RHBDD1: variants seen among roughly 807,000 people sequenced by gnomAD.
RHBDD1 encodes the protein rhomboid-related protein 4.
In RHBDD1, 38 loss-of-function variants were observed where a neutral mutation model predicts 36.3. That is an observed-to-expected ratio of 1.05 (90% confidence interval 0.81 to 1.37). The LOEUF is 1.37. Ranked by LOEUF, RHBDD1 falls within the 40% of genes most tolerant of loss-of-function variation. RHBDD1 has a pLI of 0.00. For synonymous variants in RHBDD1, 151 were observed against 136.5 expected (o/e 1.11, Z -0.74); for missense variants, 393 against 377.6 (o/e 1.04, Z -0.34).
At chr2:226,991,492 C>T (rs543433016) in intron 8 of RHBDD1, among the ~76,000 whole-genome samples, 139 of 152,300 alleles carry the variant, frequency 9.1e-4, no homozygotes, top group African/African-American at 3.3e-3. Context: ...TTTTGTATAT[C>T]TCTTATACAG....
intron 3 of RHBDD1, among the ~76,000 whole-genome samples, chr2:226,850,151 G>A (rs1316431108): frequency 6.6e-6 from 1 of 152,156 alleles, no homozygotes; most frequent in African/African-American, 2.4e-5. Context: ...AACAGACGGG[G>A]GTTGATGAGA....
intron 5 of RHBDD1, among the ~76,000 whole-genome samples, chr2:226,897,983 AAAC>A (rs1275708307): frequency 6.7e-6 from 1 of 150,166 alleles, no homozygotes; most frequent in Non-Finnish European, 1.5e-5. Context: ...CCGTCTCAAA[AAAC>A]AAAACAACAA....
chr2:226,963,883 A>C (rs1952420775), intron 8 of RHBDD1, among the ~76,000 whole-genome samples: 1 of 152,148 alleles, frequency 6.6e-6, no homozygotes, highest in Non-Finnish European at 1.5e-5. Context: ...AAACGAACCT[A>C]TTCTGTACTC....
the RHBDD1 span, among the ~76,000 whole-genome samples, chr2:226,816,679 T>C: frequency 3.7e-4 from 57 of 152,166 alleles, 1 homozygote; most frequent in Non-Finnish European, 7.6e-4. Flanking sequence ...GTGGATCACC[T>C]GAGGTTAGGA....
intron 8 of RHBDD1, among the ~76,000 whole-genome samples, chr2:226,945,586 T>C (rs766743511): frequency 1.4e-4 from 22 of 152,152 alleles, no homozygotes; most frequent in Non-Finnish European, 2.5e-4. Flanking sequence ...TGGTTCCAAG[T>C]CTTTGCTATT....
At chr2:226,854,601 GAA>G (rs34985443) in intron 3 of RHBDD1, among the ~76,000 whole-genome samples, 2 of 83,664 alleles carry the variant, frequency 2.4e-5, no homozygotes, top group Non-Finnish European at 5.0e-5. Flanking sequence ...ACTCTGTTTC[GAA>G]AAAAAAAAAA....
At chr2:226,851,548 G>A (rs1942813097) in intron 3 of RHBDD1, among the ~76,000 whole-genome samples, 1 of 152,016 alleles carries the variant, frequency 6.6e-6, no homozygotes, top group South Asian at 2.1e-4. Flanking sequence ...AGTCCCTCCA[G>A]TTATTTTTTA....
At chr2:226,988,546 C>T in intron 8 of RHBDD1, 1 of 1,438,602 alleles carries the variant, frequency 7.0e-7, no homozygotes, top group Non-Finnish European at 9.1e-7. Flanking sequence ...CAGGCTGGCC[C>T]TCTCTGCGGA....
the RHBDD1 span, among the ~76,000 whole-genome samples, chr2:226,811,673 G>C: frequency 6.6e-6 from 1 of 152,168 alleles, no homozygotes; most frequent in African/African-American, 2.4e-5. Flanking sequence ...TGTAATTCTG[G>C]CTCCTTGAAA....
At chr2:226,992,556 C>T (rs1958481105) in intron 8 of RHBDD1, among the ~76,000 whole-genome samples, 1 of 152,098 alleles carries the variant, frequency 6.6e-6, no homozygotes. Flanking sequence ...GAAAGCCGAA[C>T]CATGCTAGTA....
rs181554992 is a variant in RHBDD1, at chr2:226,891,383, T to G, written c.567-15410T>G. 2.1e-3 allele frequency among the ~76,000 whole-genome samples: 313 copies of G among 152,334 alleles called. 4 individuals carry two copies. Among genetic ancestry groups the G allele is most frequent in the African/African-American group, 7.2e-3 (300 of 41,568 alleles). ...TACCTTCCTTCAGCAAAGAAGAGTC[T>G]GCTAGTGAGGCAGAAATTACAGTCT... On this transcript the variant is annotated intron_variant, in intron 5 of 8. Transcript: ENST00000392062.
chr2:226,809,096 A>G, the RHBDD1 span, among the ~76,000 whole-genome samples: 4 of 152,246 alleles, frequency 2.6e-5, no homozygotes, highest in Non-Finnish European at 5.9e-5. Context: ...TTGTCAGCCT[A>G]TGAGTAGGAT....
chr2:226,901,360 C>G (rs147427500), intron 5 of RHBDD1, among the ~76,000 whole-genome samples: 156 of 152,236 alleles, frequency 1.0e-3, no homozygotes, highest in Non-Finnish European at 1.1e-3. Flanking sequence ...GCAGATATCT[C>G]TTTGAAATAC....
At chr2:226,934,222 T>TG (rs1247702459) in intron 8 of RHBDD1, among the ~76,000 whole-genome samples, 1 of 152,170 alleles carries the variant, frequency 6.6e-6, no homozygotes, top group Non-Finnish European at 1.5e-5. Context: ...GCATTACACT[T>TG]GCTTATGGTA....
chr2:226,859,922 G>A (rs1228771894), intron 3 of RHBDD1, among the ~76,000 whole-genome samples: 3 of 152,192 alleles, frequency 2.0e-5, no homozygotes, highest in Non-Finnish European at 4.4e-5. Context: ...AGAGAATTCA[G>A]TTGGTTGGAT....
chr2:226,982,186 A>T (rs1955929247), intron 8 of RHBDD1, among the ~76,000 whole-genome samples: 1 of 152,208 alleles, frequency 6.6e-6, no homozygotes, highest in African/African-American at 2.4e-5. Flanking sequence ...CCCTGCCCCT[A>T]ATGATTTGGT....
upstream of RHBDD1, among the ~76,000 whole-genome samples, chr2:226,831,375 G>A (rs571287605): frequency 1.3e-5 from 2 of 152,164 alleles, no homozygotes; most frequent in Non-Finnish European, 2.9e-5. Context: ...CTTAGAATAC[G>A]TTATTTCAAA....
At chr2:226,834,872 G>A (rs1033748765), upstream of RHBDD1, among the ~76,000 whole-genome samples, 6 of 152,134 alleles carry the variant, frequency 3.9e-5, no homozygotes, top group South Asian at 2.1e-4. Flanking sequence ...TGCCTCCCGG[G>A]TTCAAGGATT....
At chr2:226,934,201 T>A (rs1009050908) in intron 8 of RHBDD1, among the ~76,000 whole-genome samples, 2 of 152,148 alleles carry the variant, frequency 1.3e-5, no homozygotes, top group Admixed American at 1.3e-4. Context: ...GATACACAAA[T>A]ACTTACCATT....
Sources: gnomAD v4.1 joint callset for allele counts (sites outside exome capture counted in the v4.1 genomes callset) on GRCh38, gnomAD v4.1.1 for gene constraint, MANE v1.5 for transcripts, NCBI Gene and HGNC (gene_info 2026-07-23, HGNC 2026-07-21) for gene names.